Variants in HYDIN observed in about 807,000 individuals in gnomAD.
The protein encoded by HYDIN is axonemal central pair apparatus protein HYDIN.
Under a neutral mutation model 403.9 loss-of-function variants are expected in HYDIN, and 132 were observed. The observed-to-expected ratio is 0.33, with a 90% CI of 0.28 to 0.38. The LOEUF is 0.38. HYDIN is among the 10% of genes least tolerant of loss of function. The probability of loss-of-function intolerance (pLI) is 1.00; values close to 1 mark genes in which losing one functional copy is unlikely to be tolerated. For missense variants in HYDIN, 2,827 were observed against 5,009.5 expected, an observed-to-expected ratio of 0.56 and a Z score of 13.15; for synonymous variants, 1,202 against 1,891.7, an observed-to-expected ratio of 0.64 and a Z score of 9.46.
At chr16:71,217,675 C>G (rs889628477) in intron 1 of HYDIN, among the ~76,000 whole-genome samples, 2 of 152,174 alleles carry the variant, frequency 1.3e-5, no homozygotes, top group Non-Finnish European at 2.9e-5. Context: ...TTAATTGCAC[C>G]AGCAAATAAC....
intron 5 of HYDIN, among the ~76,000 whole-genome samples, chr16:71,172,240 C>T (rs2086493658): frequency 6.6e-6 from 1 of 152,178 alleles, no homozygotes; most frequent in Admixed American, 6.5e-5. Context: ...CCAGTTGCAC[C>T]ACTGCATGCT....
chr16:71,063,584 G>C (rs1024882067), intron 16 of HYDIN, among the ~76,000 whole-genome samples: 2 of 152,130 alleles, frequency 1.3e-5, no homozygotes, highest in Non-Finnish European at 2.9e-5. Context: ...ACTGTGCAGG[G>C]CTGGCCTGGC....
chr16:71,223,872 T>C (rs972569800), intron 1 of HYDIN, among the ~76,000 whole-genome samples: 3 of 152,172 alleles, frequency 2.0e-5, no homozygotes, highest in African/African-American at 4.8e-5. Flanking sequence ...TTCTACACTA[T>C]TGGTGGGAAT....
chr16:71,200,764 G>A (rs2087961639), intron 1 of HYDIN, among the ~76,000 whole-genome samples: 1 of 152,122 alleles, frequency 6.6e-6, no homozygotes, highest in Admixed American at 6.5e-5. Flanking sequence ...CTGGGCTACT[G>A]ATCTTCTTTC....
At chr16:71,213,773 A>C (rs2088722903) in intron 1 of HYDIN, among the ~76,000 whole-genome samples, 1 of 152,128 alleles carries the variant, frequency 6.6e-6, no homozygotes, top group Non-Finnish European at 1.5e-5. Context: ...AAATAGAAGT[A>C]ACTTCCCCAA....
Position 70,920,940 on chromosome 16 carries a change from C to T in HYDIN, c.7436G>A (p.Gly2479Glu). 2 of 1,612,988 alleles carry T rather than the reference C, an allele frequency of 1.2e-6. No individual in the cohort carries two copies. The highest frequency in any genetic ancestry group is 1.7e-6 in the Non-Finnish European group (2 of 1,179,494). ...NILMYWDRKQ[G>E]VQLPPAGMEE... ...CATCCCTGCAGGAGGCAGCTGGACTCCTTGCTTCCGGTCCCAGTACATGAG... is the reference window on the plus strand; with the variant it reads ...CATCCCTGCAGGAGGCAGCTGGACTTCTTGCTTCCGGTCCCAGTACATGAG... The change falls in exon 46 of 86, where the codon GGA becomes GAA. Residue 2479 changes from glycine (G) to glutamate (E), a missense_variant. Coordinates refer to ENST00000393567, the MANE Select transcript of HYDIN (RefSeq NM_001270974.2).
In HYDIN at chr16:70,834,890, G is replaced by GTA. The variant is rs567553772; in HGVS notation, c.13402-728_13402-727dup. ...CATATATATATGTGTGTGTGTGTGT[G>GTA]TATATATATATACACACACACATAT... On this transcript the variant is annotated intron_variant, in intron 78 of 85. Transcript: ENST00000393567. 6.9e-3 allele frequency among the ~76,000 whole-genome samples: 996 copies of GTA among 143,512 alleles called. 2 individuals carry two copies. Among genetic ancestry groups the GTA allele is most frequent in the Non-Finnish European group, 0.01 (683 of 66,566 alleles). The allele number at this position is 143,512 out of a possible 152,430, so 94.1% of individuals were successfully genotyped here. A position where few individuals can be genotyped will look rare whatever the true frequency, so the allele number is the denominator to read the frequency against.
intron 23 of HYDIN, among the ~76,000 whole-genome samples, chr16:71,005,361 T>A (rs1597518137): frequency 6.6e-6 from 1 of 152,152 alleles, no homozygotes; most frequent in East Asian, 1.9e-4. Context: ...GAGACCAGCC[T>A]CACGGAATTA....
At chr16:70,808,818 G>A (rs1018173371) in intron 85 of HYDIN, among the ~76,000 whole-genome samples, 5 of 152,154 alleles carry the variant, frequency 3.3e-5, no homozygotes, top group Non-Finnish European at 5.9e-5. Context: ...TTTGTTCCAT[G>A]GAATATTAGT....
intron 57 of HYDIN, among the ~76,000 whole-genome samples, 166 bp downstream of exon 57, chr16:70,891,480 C>T (rs1182983961): frequency 5.9e-5 from 9 of 152,274 alleles, no homozygotes; most frequent in East Asian, 3.8e-4. Context: ...TGAGCCACTG[C>T]GCCCAGCTTT....
intron 5 of HYDIN, among the ~76,000 whole-genome samples, chr16:71,163,605 G>A (rs1351145693): frequency 6.6e-6 from 1 of 152,090 alleles, no homozygotes; most frequent in Non-Finnish European, 1.5e-5. Flanking sequence ...CTTGTTCTTG[G>A]AACCCTGCCA....
intron 1 of HYDIN, among the ~76,000 whole-genome samples, chr16:71,210,456 A>C (rs973270982): frequency 2.6e-5 from 4 of 152,276 alleles, no homozygotes; most frequent in Non-Finnish European, 5.9e-5. Context: ...CTAAATAACA[A>C]GAACACATGG....
chr16:70,874,851 G>C lies in HYDIN; in HGVS notation c.10626C>G (p.Ile3542Met), dbSNP rs1437690238. 4 of 1,613,552 alleles carry C rather than the reference G, an allele frequency of 2.5e-6. No individual in the cohort carries two copies. Among genetic ancestry groups the C allele is most frequent in the Admixed American group, 1.7e-5 (1 of 59,968 alleles). ...SLKGRPTTAY[I>M]YITEENKPHV... Reference sequence around the variant, plus strand: ...GTGGTTTATTTTCCTCTGTGATGTAGATATACGCGGTGGTGGGCCTCCCTT... The same window carrying C: ...GTGGTTTATTTTCCTCTGTGATGTACATATACGCGGTGGTGGGCCTCCCTT... The change falls in exon 63 of 86, where the codon ATC (isoleucine) becomes ATG (methionine). Residue 3542 changes from isoleucine (I) to methionine (M), a missense_variant. Ile to Met is a conservative substitution (Grantham distance 10). Coordinates refer to ENST00000393567, the MANE Select transcript of HYDIN (RefSeq NM_001270974.2).
At position 70,920,621 on chromosome 16, in the gene HYDIN, T is replaced by C. The variant is rs377083263; in HGVS notation, c.7755A>G (p.Leu2585=). The C allele has an allele frequency of 1.2e-4, 198 of 1,613,794 alleles. 1 individual carries two copies. The highest frequency in any genetic ancestry group is 1.6e-4 in the Middle Eastern group (1 of 6,082). Residue 2585 remains leucine (L), a synonymous_variant, in exon 46 of 86, where the codon CTA becomes CTG. Transcript: ENST00000393567. The stretch of plus-strand genomic sequence containing the variant: ...CTCCTTTGGGAAGCTTGTCGCTCTC[T>C]AGGGCCTGCTTCCAGCTCAAGCCTT... ...DFEGLSWKQA[L]ESDKLPKGEQ... is the part of the protein sequence containing the mutation.
At chr16:70,962,374 G>A (rs1445016642) in intron 37 of HYDIN, among the ~76,000 whole-genome samples, 4 of 151,142 alleles carry the variant, frequency 2.6e-5, no homozygotes, top group Non-Finnish European at 4.4e-5. Flanking sequence ...TTATACATTT[G>A]CTTAGAAAAT....
At chr16:71,056,070 C>T (rs1380399100) in intron 18 of HYDIN, among the ~76,000 whole-genome samples, 3 of 151,668 alleles carry the variant, frequency 2.0e-5, no homozygotes, top group Admixed American at 6.6e-5. Flanking sequence ...ACAAGCAGAG[C>T]GCGCATTCTC....
chr16:70,950,355 A>G (rs2078026704), intron 41 of HYDIN, among the ~76,000 whole-genome samples: 1 of 151,978 alleles, frequency 6.6e-6, no homozygotes, highest in African/African-American at 2.4e-5. Context: ...GGTTCAAGTG[A>G]TTCTCGTGCT....
chr16:71,100,153 G>A lies in HYDIN; in HGVS notation c.1328-6218C>T, dbSNP rs113218692. Among the ~76,000 whole-genome samples the A allele has an allele frequency of 1.7e-4, 26 of 151,764 alleles. 1 individual carries two copies. Among genetic ancestry groups the A allele is most frequent in the African/African-American group, 4.9e-4 (20 of 41,190 alleles). The stretch of plus-strand genomic sequence containing the variant: ...TAATAGCAACAAAAATATAAGGTAC[G>A]TAAAAATAAATCAACAAAACATACT... On this transcript the variant is annotated intron_variant, in intron 10 of 85. Coordinates refer to ENST00000393567, the MANE Select transcript of HYDIN (RefSeq NM_001270974.2).
chr16:71,194,886 G>A (rs1335563571), intron 1 of HYDIN, among the ~76,000 whole-genome samples: 2 of 152,180 alleles, frequency 1.3e-5, no homozygotes, highest in East Asian at 1.9e-4. Flanking sequence ...CCTCTCACAA[G>A]TCCTTTAACA....
Sources: gnomAD v4.1 joint callset for allele counts (sites outside exome capture counted in the v4.1 genomes callset) on GRCh38, gnomAD v4.1.1 for gene constraint, MANE v1.5 for transcripts, NCBI Gene and HGNC (gene_info 2026-07-23, HGNC 2026-07-21) for gene names.